DISC1: variants seen among roughly 807,000 people sequenced by gnomAD.
DISC1 encodes disrupted in schizophrenia 1 protein.
A neutral mutation model predicts 84.5 loss-of-function variants in DISC1; 57 were observed. That is an observed-to-expected ratio of 0.67 (90% CI 0.55 to 0.84). The LOEUF is 0.84. Among genes scored for constraint, DISC1 ranks in the 40% least tolerant of loss-of-function variants. The probability of loss-of-function intolerance (pLI) is 0.00; values close to 1 mark genes in which losing one functional copy is unlikely to be tolerated. For missense variants in DISC1, 1,000 were observed against 1,057.8 expected, an observed-to-expected ratio of 0.95 and a Z score of 0.76; for synonymous variants, 411 against 415.2, an observed-to-expected ratio of 0.99 and a Z score of 0.12.
intron 9 of DISC1, among the ~76,000 whole-genome samples, chr1:231,853,321 C>T (rs2084030608): frequency 2.6e-5 from 4 of 152,132 alleles, no homozygotes; most frequent in African/African-American, 9.7e-5. Flanking sequence ...ATTGTGTGAA[C>T]GTCATAGAGT....
intron 9 of DISC1, among the ~76,000 whole-genome samples, chr1:231,841,019 C>T (rs980333942): frequency 3.3e-5 from 5 of 152,158 alleles, no homozygotes; most frequent in African/African-American, 1.2e-4. Context: ...TATTACAGGT[C>T]GAACATTCCT....
chr1:231,674,488 T>C (rs916351864), intron 1 of DISC1, among the ~76,000 whole-genome samples: 2 of 152,260 alleles, frequency 1.3e-5, no homozygotes, highest in African/African-American at 2.4e-5. Flanking sequence ...GTTTACAATG[T>C]ATTTTCTAAT....
chr1:231,849,861 T>C (rs559539657), intron 9 of DISC1, among the ~76,000 whole-genome samples: 29 of 152,228 alleles, frequency 1.9e-4, no homozygotes, highest in Non-Finnish European at 4.1e-4. Flanking sequence ...GTAAGATTTT[T>C]AAGAGCAAGG....
At chr1:231,639,270 C>T (rs935542111) in intron 1 of DISC1, among the ~76,000 whole-genome samples, 10 of 152,196 alleles carry the variant, frequency 6.6e-5, no homozygotes, top group African/African-American at 2.4e-4. Flanking sequence ...CTACACATTT[C>T]GTGAGAGAAA....
chr1:231,806,712 T>C (rs2079748560), intron 8 of DISC1, among the ~76,000 whole-genome samples: 1 of 152,302 alleles, frequency 6.6e-6, no homozygotes, highest in East Asian at 1.9e-4. Context: ...ACTGGCTGCC[T>C]GGAAAGGAAG....
intron 3 of DISC1, among the ~76,000 whole-genome samples, chr1:231,743,224 C>G (rs751089335): frequency 2.4e-4 from 36 of 152,142 alleles, no homozygotes; most frequent in Non-Finnish European, 4.9e-4. Context: ...AATAGACAAT[C>G]CTTTTGAACA....
intron 10 of DISC1, among the ~76,000 whole-genome samples, chr1:231,994,771 G>A (rs1665677607): frequency 6.6e-6 from 1 of 152,090 alleles, no homozygotes; most frequent in African/African-American, 2.4e-5. Context: ...TTGAGTTTTG[G>A]AAAGAATGGT....
intron 10 of DISC1, among the ~76,000 whole-genome samples, chr1:231,960,641 A>G (rs1357721786): frequency 6.6e-6 from 1 of 152,228 alleles, no homozygotes; most frequent in African/African-American, 2.4e-5. Context: ...CAATGCAATA[A>G]TCAACACAGA....
At chr1:232,015,361 C>CAAG (rs1487267026) in intron 11 of DISC1, among the ~76,000 whole-genome samples, 5 of 151,786 alleles carry the variant, frequency 3.3e-5, no homozygotes, top group African/African-American at 7.3e-5. Flanking sequence ...CGCCGTTCAC[C>CAAG]TTGGAAATTC....
intron 9 of DISC1, among the ~76,000 whole-genome samples, chr1:231,861,909 A>T (rs746015808): frequency 5.3e-5 from 8 of 152,196 alleles, no homozygotes; most frequent in Non-Finnish European, 8.8e-5. Context: ...TAGGACCAAT[A>T]GTGTGCTGTT....
chr1:231,989,259 G>A (rs1664867704), intron 10 of DISC1, among the ~76,000 whole-genome samples: 1 of 152,218 alleles, frequency 6.6e-6, no homozygotes, highest in Non-Finnish European at 1.5e-5. Flanking sequence ...AGGTCTTCCT[G>A]CTGTTTCAGC....
intron 9 of DISC1, among the ~76,000 whole-genome samples, chr1:231,861,814 T>C (rs7552697): frequency 0.076 from 11,559 of 152,180 alleles, 1,260 homozygotes; most frequent in African/African-American, 0.24. Context: ...ATTGAGATAT[T>C]ACCTCATAGT....
intron 10 of DISC1, among the ~76,000 whole-genome samples, chr1:231,972,792 C>G (rs1662192052): frequency 6.6e-6 from 1 of 152,174 alleles, no homozygotes; most frequent in Non-Finnish European, 1.5e-5. Context: ...CTATGATGAA[C>G]TAGCACTACC....
intron 3 of DISC1, among the ~76,000 whole-genome samples, chr1:231,730,188 A>G (rs888620070): frequency 1.3e-5 from 2 of 152,236 alleles, no homozygotes; most frequent in Non-Finnish European, 2.9e-5. Flanking sequence ...TTTAACAGTG[A>G]ACACTGACTG....
At chr1:231,857,582 T>C (rs890276512) in intron 9 of DISC1, among the ~76,000 whole-genome samples, 1 of 152,200 alleles carries the variant, frequency 6.6e-6, no homozygotes, top group South Asian at 2.1e-4. Context: ...TTGTCAAGTA[T>C]TTTTTGTGAT....
chr1:231,771,954 G>A (rs554835512), intron 6 of DISC1, among the ~76,000 whole-genome samples: 2 of 148,792 alleles, frequency 1.3e-5, no homozygotes, highest in African/African-American at 4.9e-5. Flanking sequence ...ACAGGCTTGA[G>A]CCTCCACATC....
intron 8 of DISC1, among the ~76,000 whole-genome samples, chr1:231,812,258 A>C (rs538669068): frequency 6.6e-6 from 1 of 152,016 alleles, no homozygotes; most frequent in Non-Finnish European, 1.5e-5. Flanking sequence ...GGGTCTTGCT[A>C]TGTTGCCCAG....
intron 8 of DISC1, among the ~76,000 whole-genome samples, chr1:231,808,605 T>C (rs2079953109): frequency 6.6e-6 from 1 of 152,224 alleles, no homozygotes; most frequent in African/African-American, 2.4e-5. Context: ...ATGGACATGG[T>C]ATTTACTGCG....
chr1:231,700,377 C>T lies in DISC1; in HGVS notation c.1048-1578C>T, dbSNP rs185948916. Among the ~76,000 whole-genome samples, 13 of 152,242 alleles carry T rather than the reference C, an allele frequency of 8.5e-5. No individual in the cohort carries two copies. In the South Asian group the frequency reaches 2.3e-3, roughly 27 times the overall value. The stretch of plus-strand genomic sequence containing the variant: ...ATTTTCTGTTTTTTATGATGTTTTT[C>T]GTCATCTAGTCAATGCTGAATTTTT... On this transcript the variant is annotated intron_variant, in intron 2 of 12. Coordinates refer to ENST00000439617, the MANE Select transcript of DISC1 (RefSeq NM_018662.3).
Sources: allele counts gnomAD v4.1 joint callset (sites outside exome capture counted in the v4.1 genomes callset), GRCh38; gene constraint gnomAD v4.1.1; transcripts MANE v1.5; gene names NCBI Gene and HGNC (gene_info 2026-07-23, HGNC 2026-07-21).